The following DYTN variants were observed in gnomAD, a reference collection of about 807,000 sequenced individuals.
The protein encoded by DYTN is dystrotelin.
In DYTN, 75 loss-of-function variants were observed where a neutral mutation model predicts 69.6. The ratio of observed to expected loss-of-function variants is 1.08; its 90% CI spans 0.89 to 1.31. The LOEUF (loss-of-function observed/expected upper bound fraction) is 1.31. DYTN is among the 50% of genes most tolerant of loss of function. The pLI is 0.00. For synonymous variants in DYTN, 252 were observed against 249.1 expected (o/e 1.01, Z -0.11); for missense variants, 726 against 688.4 (o/e 1.05, Z -0.61).
At chr2:206,675,115 A>ATATATGTGTGTG (rs1553573104) in intron 9 of DYTN, among the ~76,000 whole-genome samples, 1 of 131,534 alleles carries the variant, frequency 7.6e-6, no homozygotes, top group African/African-American at 2.9e-5. Context: ...ATATATATAT[A>ATATATGTGTGTG]TGTGTGTGTG....
chr2:206,652,928 T>G (rs1304196867), intron 11 of DYTN, among the ~76,000 whole-genome samples: 2 of 152,182 alleles, frequency 1.3e-5, no homozygotes, highest in Non-Finnish European at 2.9e-5. Context: ...CAGTATTACA[T>G]TATTTGTGTA....
intron 9 of DYTN, among the ~76,000 whole-genome samples, chr2:206,691,289 T>C (rs921603568): frequency 6.6e-6 from 1 of 152,110 alleles, no homozygotes; most frequent in African/African-American, 2.4e-5. Context: ...GGCAGGTGCC[T>C]GTAATCCCAG....
chr2:206,671,093 G>C (rs1017334208), intron 9 of DYTN, among the ~76,000 whole-genome samples: 1 of 152,116 alleles, frequency 6.6e-6, no homozygotes, highest in Non-Finnish European at 1.5e-5. Flanking sequence ...TCTGCGCCCT[G>C]AACTGCAACC....
chr2:206,667,835 A>G (rs1309072227), intron 9 of DYTN, among the ~76,000 whole-genome samples: 1 of 152,152 alleles, frequency 6.6e-6, no homozygotes, highest in East Asian at 1.9e-4. Context: ...TGCTGTTAGC[A>G]TATTTGTGGA....
chr2:206,685,306 C>T lies in DYTN; in HGVS notation c.980+7869G>A, dbSNP rs1292271084. ...CCACCTGAATAGCGGGAACCACAGG[C>T]GTGCACCACCACGCCCAGATAATTT... On this transcript the variant is annotated intron_variant, in intron 9 of 11. Coordinates refer to ENST00000452335, the MANE Select transcript of DYTN (RefSeq NM_001093730.1). 2.6e-5 allele frequency among the ~76,000 whole-genome samples: 4 copies of T among 152,118 alleles called. No individual in the cohort carries two copies. The East Asian group carries it at 5.8e-4, about 22-fold the overall frequency.
intron 11 of DYTN, among the ~76,000 whole-genome samples, chr2:206,652,972 A>C (rs1311624242): frequency 6.6e-6 from 1 of 152,214 alleles, no homozygotes; most frequent in African/African-American, 2.4e-5. Flanking sequence ...AAATGAAAAC[A>C]TGGGGAGATT....
rs556931324 is a variant in DYTN at position 206,695,916 on chromosome 2, C to T, written c.720-1039G>A. Among the ~76,000 whole-genome samples, 15 of 152,248 alleles carry T rather than the reference C, an allele frequency of 9.9e-5. No homozygotes were observed. In the South Asian group the frequency reaches 2.1e-3, roughly 21 times the overall value. On this transcript the variant is annotated intron_variant, in intron 7 of 11. Coordinates refer to ENST00000452335, the MANE Select transcript of DYTN (RefSeq NM_001093730.1). ...TATACCACTTGCCTTGCCTTTTAAGCATTTGGGTTTTCAACACCTCTCTTA... is the reference window on the plus strand; with the variant it reads ...TATACCACTTGCCTTGCCTTTTAAGTATTTGGGTTTTCAACACCTCTCTTA...
chr2:206,713,314 A>G (rs890669862), intron 1 of DYTN, among the ~76,000 whole-genome samples: 4 of 152,210 alleles, frequency 2.6e-5, no homozygotes, highest in Non-Finnish European at 5.9e-5. Flanking sequence ...TATAGTCACC[A>G]TGCTGTACAG....
intron 5 of DYTN, chr2:206,701,066 T>G (rs1699971720): frequency 6.6e-6 from 1 of 152,156 alleles, no homozygotes; most frequent in African/African-American, 2.4e-5. Context: ...TACATATTTT[T>G]AAGACTATTC....
intron 8 of DYTN, among the ~76,000 whole-genome samples, 151 bp from the exon 9 acceptor site, chr2:206,693,474 A>C (rs990756975): frequency 3.3e-5 from 5 of 152,140 alleles, no homozygotes; most frequent in Admixed American, 1.3e-4. Context: ...CTTGTCCCTG[A>C]ATTTCTTCAC....
chr2:206,715,122 G>A lies in DYTN; in HGVS notation c.19+3139C>T, dbSNP rs147686652. On this transcript the variant is annotated intron_variant, in intron 1 of 11. Coordinates refer to ENST00000452335, the MANE Select transcript of DYTN (RefSeq NM_001093730.1). Reference sequence around the variant, plus strand: ...TGAGCTGCTCACTGTGGCTGGAATGGGAGGTCAGGAATGAGGTAGAAACAG... The same window carrying A: ...TGAGCTGCTCACTGTGGCTGGAATGAGAGGTCAGGAATGAGGTAGAAACAG... Among the ~76,000 whole-genome samples the A allele has an allele frequency of 3.3e-5, 5 of 152,268 alleles. No homozygotes were observed. In the East Asian group the frequency reaches 5.8e-4, roughly 18 times the overall value.
At chr2:206,710,471 A>G (rs906634672) in intron 2 of DYTN, 53 bp downstream of exon 2, 5 of 1,522,592 alleles carry the variant, frequency 3.3e-6, no homozygotes, top group South Asian at 1.2e-5. Context: ...TGAATTTTAC[A>G]TCGCACATCA....
chr2:206,660,229 A>G (rs1275248409), intron 11 of DYTN, among the ~76,000 whole-genome samples: 2 of 152,224 alleles, frequency 1.3e-5, no homozygotes, highest in African/African-American at 4.8e-5. Context: ...ATTTAGAAGT[A>G]TACTTCACCT....
intron 11 of DYTN, 100 bp downstream of exon 11, chr2:206,662,803 T>C: frequency 1.3e-6 from 2 of 1,495,920 alleles, no homozygotes; most frequent in Non-Finnish European, 1.8e-6. Context: ...TGCTACATAC[T>C]AGATGAACTG....
At position 206,663,394 on chromosome 2, in the gene DYTN, G is replaced by T; in HGVS notation, c.1142C>A (p.Ala381Glu). 1 of 1,569,172 alleles carries T rather than the reference G, an allele frequency of 6.4e-7. No individual in the cohort carries two copies. Among genetic ancestry groups the T allele is most frequent in the East Asian group, 2.3e-5 (1 of 44,370 alleles). Residue 381 changes from alanine (A) to glutamate (E), a missense_variant and splice_region_variant, in exon 11 of 12, where the codon GCA (alanine) becomes GAA (glutamate). Transcript: ENST00000452335. Reference protein sequence around the residue: ...KLQQIRRDLQARLQPPGPSSS... With the variant: ...KLQQIRRDLQERLQPPGPSSS... ...TGAAGGACCGGGTGGCTGCAACCTT[G>T]CCTGGGGAAACAAAACTTTATTTAT...
rs751383152 is a variant in DYTN, at chr2:206,663,255, C to T, written c.1281G>A (p.Gly427=). The change falls in exon 11 of 12, where the codon GGG becomes GGA. Residue 427 remains glycine, a synonymous_variant. Transcript: ENST00000452335. ...CCTCATCAAGCTTAGGAAGAGGTTCCCCTGTTGAAGCATCTTCAGTGGCAT... is the reference window on the plus strand; with the variant it reads ...CCTCATCAAGCTTAGGAAGAGGTTCTCCTGTTGAAGCATCTTCAGTGGCAT... ...IKNATEDAST[G]EPLPKLDEVD... 1 of 1,613,912 alleles carries T rather than the reference C, an allele frequency of 6.2e-7. No homozygotes were observed. The highest frequency in any genetic ancestry group is 8.5e-7 in the Non-Finnish European group (1 of 1,179,892).
rs372157634 is a variant in DYTN, at chr2:206,693,358, G to A, written c.832-35C>T. ...GGGCCAACATTTTTAAAAAGCGTCAGATCAGTCTACGTGTGGTCTTCCTTC... is the reference window on the plus strand; with the variant it reads ...GGGCCAACATTTTTAAAAAGCGTCAAATCAGTCTACGTGTGGTCTTCCTTC... On this transcript the variant is annotated intron_variant, in intron 8 of 11. Transcript: ENST00000452335. 8 of 1,602,384 alleles carry A rather than the reference G, an allele frequency of 5.0e-6. No homozygotes were observed. In the African/African-American group the frequency reaches 6.7e-5, roughly 13 times the overall value.
At chr2:206,653,069 G>T (rs1169318651) in intron 11 of DYTN, among the ~76,000 whole-genome samples, 3 of 152,066 alleles carry the variant, frequency 2.0e-5, no homozygotes, top group Non-Finnish European at 2.9e-5. Context: ...AGGCTAGAGG[G>T]TTCATGCATT....
At chr2:206,689,971 A>G (rs996449312) in intron 9 of DYTN, among the ~76,000 whole-genome samples, 1 of 152,218 alleles carries the variant, frequency 6.6e-6, no homozygotes, top group Admixed American at 6.5e-5. Context: ...GAAACAATGG[A>G]CATTCCTCCC....
Sources: allele counts gnomAD v4.1 joint callset (sites outside exome capture counted in the v4.1 genomes callset), GRCh38; gene constraint gnomAD v4.1.1; transcripts MANE v1.5; gene names NCBI Gene and HGNC (gene_info 2026-07-23, HGNC 2026-07-21).